Variants in PAX2 observed in about 807,000 individuals in gnomAD.
PAX2 encodes the protein paired box protein Pax-2.
In PAX2, 9 loss-of-function variants were observed where a neutral mutation model predicts 41.7. The ratio of observed to expected loss-of-function variants is 0.22; its 90% CI spans 0.13 to 0.38. The LOEUF is 0.38. Among genes scored for constraint, PAX2 ranks in the 10% least tolerant of loss-of-function variants. The pLI is 1.00. For missense variants in PAX2, 418 were observed against 531.6 expected (o/e 0.79, Z 2.10); for synonymous variants, 221 against 212.7 (o/e 1.04, Z -0.34).
At chr10:100,763,648 G>A (rs536792877) in intron 3 of PAX2, among the ~76,000 whole-genome samples, 1 of 152,342 alleles carries the variant, frequency 6.6e-6, no homozygotes, top group African/African-American at 2.4e-5. Flanking sequence ...CTCTAAGGGA[G>A]TCCATTTTGC....
chr10:100,789,115 T>C (rs1399775788), intron 5 of PAX2, among the ~76,000 whole-genome samples: 2 of 152,260 alleles, frequency 1.3e-5, no homozygotes, highest in Non-Finnish European at 2.9e-5. Context: ...TCTCTCTCTC[T>C]CTTTTTTTTG....
chr10:100,736,023 T>C (rs1454357911), intron 1 of PAX2, among the ~76,000 whole-genome samples: 1 of 152,254 alleles, frequency 6.6e-6, no homozygotes, highest in African/African-American at 2.4e-5. Context: ...ACTTTCTCGT[T>C]CTACTTTGGG....
intron 3 of PAX2, among the ~76,000 whole-genome samples, chr10:100,757,327 G>A (rs890353932): frequency 1.3e-5 from 2 of 152,214 alleles, no homozygotes; most frequent in African/African-American, 4.8e-5. Context: ...TTGGGCCACT[G>A]GGCGAAGTGG....
chr10:100,823,611 G>A (rs1226996486), intron 7 of PAX2, among the ~76,000 whole-genome samples: 2 of 152,206 alleles, frequency 1.3e-5, no homozygotes, highest in Non-Finnish European at 2.9e-5. Context: ...TAATAGAGTG[G>A]CATTGGCTAG....
chr10:100,749,943 C>G (rs767702848), intron 2 of PAX2, 29 bp downstream of exon 2: 2 of 1,606,354 alleles, frequency 1.2e-6, no homozygotes, highest in East Asian at 4.5e-5. Flanking sequence ...TCCCGGGAGA[C>G]GCCTTGCCTA....
chr10:100,779,669 C>T, intron 4 of PAX2, 86 bp downstream of exon 4: 2 of 1,073,956 alleles, frequency 1.9e-6, no homozygotes, highest in Non-Finnish European at 2.8e-6. Context: ...AACTGCCTGC[C>T]CGCTTGAGGT....
In PAX2 at chr10:100,828,142, A is replaced by G; in HGVS notation, c.*523A>G. On this transcript the variant is annotated 3_prime_UTR_variant, in exon 10 of 10. Coordinates refer to ENST00000355243, the MANE Select transcript of PAX2 (RefSeq NM_000278.5). The surrounding 1 kb of genome is among the most constrained non-coding windows in gnomAD (Gnocchi z 6.5). ...AAGAAAACGACTTTCTGCAGGAGGA[A>G]GAGCCCGCTGCCGAATCCCTGGGAA... 4.3e-6 allele frequency: 1 copy of G among 231,652 alleles called. No individual in the cohort carries two copies. The highest frequency in any genetic ancestry group is 8.5e-6 in the Non-Finnish European group (1 of 117,282). 14.3% of individuals were successfully genotyped at this position (231,652 alleles called of 1,614,324 possible).
At chr10:100,741,830 G>A (rs1844966217), upstream of PAX2, among the ~76,000 whole-genome samples, 1 of 152,162 alleles carries the variant, frequency 6.6e-6, no homozygotes, top group African/African-American at 2.4e-5. Context: ...TTTCCCCTCT[G>A]AACTTTAATG....
intron 5 of PAX2, among the ~76,000 whole-genome samples, chr10:100,799,420 C>T (rs1267464702): frequency 6.6e-6 from 1 of 152,194 alleles, no homozygotes; most frequent in Non-Finnish European, 1.5e-5. Context: ...ATCACTTTTG[C>T]AAGCATTCTG....
intron 3 of PAX2, among the ~76,000 whole-genome samples, chr10:100,760,443 G>A (rs915081609): frequency 9.9e-5 from 15 of 152,222 alleles, no homozygotes; most frequent in African/African-American, 3.6e-4. Context: ...TACACACAGG[G>A]TCCCGACACA....
chr10:100,823,959 A>G (rs976541852), intron 7 of PAX2, among the ~76,000 whole-genome samples: 2 of 152,166 alleles, frequency 1.3e-5, no homozygotes, highest in South Asian at 4.1e-4. Flanking sequence ...TGCTCATTGG[A>G]ACTTTATCTG....
chr10:100,770,027 T>C (rs1009669331), intron 3 of PAX2, among the ~76,000 whole-genome samples: 3 of 152,108 alleles, frequency 2.0e-5, no homozygotes, highest in African/African-American at 7.2e-5. Context: ...TGATAGGAAG[T>C]GATTGTAGGG....
chr10:100,753,510 G>A (rs111911773), intron 3 of PAX2, among the ~76,000 whole-genome samples: 1,912 of 152,290 alleles, frequency 0.013, 22 homozygotes, highest in Middle Eastern at 0.027. Context: ...GGAAGAGCCC[G>A]GAGATTTTCC....
Position 100,746,228 on chromosome 10 carries a change from G to A in PAX2, c.-33G>A, listed in dbSNP as rs1272211890. ...GAGTTTGAGAGGCGACACGGCGGCGGCGGCCGCGCTGCTCCCGCTCCTCTG... is the reference window on the plus strand; with the variant it reads ...GAGTTTGAGAGGCGACACGGCGGCGACGGCCGCGCTGCTCCCGCTCCTCTG... On this transcript the variant is annotated 5_prime_UTR_variant, in exon 1 of 10. Transcript: ENST00000355243. The A allele has an allele frequency of 6.2e-7, 1 of 1,613,244 alleles. No homozygotes were observed. Among genetic ancestry groups the A allele is most frequent in the Non-Finnish European group, 8.5e-7 (1 of 1,179,756 alleles).
At chr10:100,825,182 G>C (rs1026571188) in intron 8 of PAX2, among the ~76,000 whole-genome samples, 2 of 152,098 alleles carry the variant, frequency 1.3e-5, no homozygotes, top group Admixed American at 1.3e-4. Context: ...AGCCACCCTG[G>C]TCCACACCAA....
At chr10:100,811,825 T>A (rs1848000290) in intron 7 of PAX2, among the ~76,000 whole-genome samples, 1 of 152,182 alleles carries the variant, frequency 6.6e-6, no homozygotes, top group Non-Finnish European at 1.5e-5. Context: ...GAGCCCTCTT[T>A]ATCCTCCACG....
chr10:100,738,633 C>T (rs1195267656), intron 1 of PAX2, among the ~76,000 whole-genome samples: 2 of 152,164 alleles, frequency 1.3e-5, no homozygotes, highest in Non-Finnish European at 2.9e-5. Flanking sequence ...TCAATGTATT[C>T]GTTATCCGCG....
At chr10:100,766,338 G>T (rs1248944307) in intron 3 of PAX2, among the ~76,000 whole-genome samples, 1 of 152,216 alleles carries the variant, frequency 6.6e-6, no homozygotes, top group African/African-American at 2.4e-5. Flanking sequence ...CATGGTGTGT[G>T]TTCCTCAGTG....
At chr10:100,804,605 C>T (rs556313248) in intron 5 of PAX2, among the ~76,000 whole-genome samples, 10 of 152,280 alleles carry the variant, frequency 6.6e-5, no homozygotes, top group South Asian at 2.1e-4. Context: ...ACAGGAGAAA[C>T]GGGGCATGTG....
Sources: allele counts gnomAD v4.1 joint callset (sites outside exome capture counted in the v4.1 genomes callset), GRCh38; gene constraint gnomAD v4.1.1; non-coding constraint Gnocchi (gnomAD v3.1); transcripts MANE v1.5; gene names NCBI Gene and HGNC (gene_info 2026-07-23, HGNC 2026-07-21).